The following CCSER1 variants were observed in gnomAD, a reference collection of about 807,000 sequenced individuals.
The protein encoded by CCSER1 is coiled-coil serine rich protein 1, also known as serine-rich coiled-coil domain-containing protein 1.
CCSER1 carries 41 observed loss-of-function variants against 82.0 expected under a neutral mutation model. The observed-to-expected ratio is 0.50, with a 90% CI of 0.39 to 0.65. The LOEUF (loss-of-function observed/expected upper bound fraction) is 0.65, where lower values mean the gene tolerates loss of function less well. Among genes scored for constraint, CCSER1 ranks in the 30% least tolerant of loss-of-function variants. The probability of loss-of-function intolerance (pLI) is 0.00; values close to 1 mark genes in which losing one functional copy is unlikely to be tolerated. For synonymous variants in CCSER1, 414 were observed against 383.9 expected, an observed-to-expected ratio of 1.08 and a Z score of -0.92; for missense variants, 1,119 against 1,064.2, an observed-to-expected ratio of 1.05 and a Z score of -0.72.
At chr4:90,326,501 G>T (rs1371121834) in intron 3 of CCSER1, among the ~76,000 whole-genome samples, 2 of 150,488 alleles carry the variant, frequency 1.3e-5, no homozygotes, top group African/African-American at 4.9e-5. Flanking sequence ...ATCTTCTGTT[G>T]TTCTTAGTTT....
intron 3 of CCSER1, among the ~76,000 whole-genome samples, chr4:90,346,290 T>G (rs2153507574): frequency 6.6e-6 from 1 of 152,166 alleles, no homozygotes; most frequent in South Asian, 2.1e-4. Flanking sequence ...ATACATTTAA[T>G]ACAGATTTCT....
At chr4:90,736,026 G>A (rs944057044) in intron 7 of CCSER1, among the ~76,000 whole-genome samples, 15 of 152,026 alleles carry the variant, frequency 9.9e-5, no homozygotes, top group African/African-American at 3.1e-4. Context: ...AAAATTCATT[G>A]TGTTGTTGAT....
At chr4:91,254,310 T>G (rs1740506788) in intron 10 of CCSER1, among the ~76,000 whole-genome samples, 1 of 152,180 alleles carries the variant, frequency 6.6e-6, no homozygotes, top group Non-Finnish European at 1.5e-5. Flanking sequence ...AAATCTATCC[T>G]TAGAATACAA....
At chr4:91,535,831 A>G (rs77331647) in intron 10 of CCSER1, among the ~76,000 whole-genome samples, 1,538 of 152,216 alleles carry the variant, frequency 0.01, 20 homozygotes, top group African/African-American at 0.03. Flanking sequence ...CGTAATGACT[A>G]TAAAAGCAAA....
At chr4:90,685,500 A>G (rs1734662016) in intron 6 of CCSER1, among the ~76,000 whole-genome samples, 2 of 152,132 alleles carry the variant, frequency 1.3e-5, no homozygotes, top group African/African-American at 4.8e-5. Context: ...CCCAGCATAT[A>G]AACACACATT....
At chr4:90,955,168 G>T (rs1326387104) in intron 9 of CCSER1, among the ~76,000 whole-genome samples, 1 of 152,102 alleles carries the variant, frequency 6.6e-6, no homozygotes, top group African/African-American at 2.4e-5. Context: ...TTTATCCTAT[G>T]TTTTTCATTG....
At chr4:91,101,990 A>C (rs1414582640) in intron 10 of CCSER1, among the ~76,000 whole-genome samples, 1 of 152,136 alleles carries the variant, frequency 6.6e-6, no homozygotes, top group African/African-American at 2.4e-5. Context: ...TTTAGACCCA[A>C]AGCAGGATTT....
chr4:90,298,595 A>G (rs1732470649), intron 1 of CCSER1, among the ~76,000 whole-genome samples: 1 of 151,882 alleles, frequency 6.6e-6, no homozygotes, highest in African/African-American at 2.4e-5. Context: ...TAGGGTGTCA[A>G]TTTTGGATCT....
At chr4:90,822,415 T>C (rs1759856238) in intron 8 of CCSER1, among the ~76,000 whole-genome samples, 1 of 152,180 alleles carries the variant, frequency 6.6e-6, no homozygotes, top group African/African-American at 2.4e-5. Context: ...TACAGCTTTC[T>C]ATGTCTATTT....
intron 8 of CCSER1, among the ~76,000 whole-genome samples, chr4:90,919,915 T>C (rs1354862512): frequency 1.3e-5 from 2 of 151,930 alleles, no homozygotes; most frequent in Admixed American, 6.6e-5. Context: ...TAATCATAAA[T>C]GTGAAAAAAT....
chr4:91,199,295 G>A (rs1735709170), intron 10 of CCSER1, among the ~76,000 whole-genome samples: 1 of 151,514 alleles, frequency 6.6e-6, no homozygotes, highest in Admixed American at 6.6e-5. Context: ...TAATTAGAAG[G>A]TGGCCAGTTA....
At chr4:90,603,590 T>C (rs992993118) in intron 5 of CCSER1, among the ~76,000 whole-genome samples, 1 of 150,348 alleles carries the variant, frequency 6.7e-6, no homozygotes, top group Admixed American at 6.6e-5. Flanking sequence ...TGTGGAAGCC[T>C]TTATTAATGT....
chr4:91,463,101 C>T (rs554992041), intron 10 of CCSER1, among the ~76,000 whole-genome samples: 187 of 152,312 alleles, frequency 1.2e-3, no homozygotes, highest in African/African-American at 4.4e-3. Context: ...AACTGGGAGG[C>T]ACCCCCCAGT....
intron 10 of CCSER1, among the ~76,000 whole-genome samples, chr4:91,348,442 T>G (rs1179794972): frequency 6.6e-6 from 1 of 152,170 alleles, no homozygotes; most frequent in Non-Finnish European, 1.5e-5. Context: ...GTTTTTGTCT[T>G]GTAACTGATT....
intron 5 of CCSER1, among the ~76,000 whole-genome samples, chr4:90,500,459 G>A (rs952497563): frequency 2.0e-5 from 3 of 151,964 alleles, no homozygotes; most frequent in Non-Finnish European, 2.9e-5. Context: ...AGCCCCCTGA[G>A]TAGCTGGAAT....
intron 8 of CCSER1, among the ~76,000 whole-genome samples, chr4:90,866,627 A>T (rs572131655): frequency 6.6e-6 from 1 of 152,076 alleles, no homozygotes; most frequent in Admixed American, 6.6e-5. Flanking sequence ...AAGGCTATGG[A>T]TATGAAATTT....
In CCSER1 at chr4:90,842,458, C is replaced by T. The variant is rs115838388; in HGVS notation, c.2094+26613C>T. Among the ~76,000 whole-genome samples the T allele has an allele frequency of 1.8e-3, 280 of 152,090 alleles. 1 individual carries two copies. The highest frequency in any genetic ancestry group is 6.6e-3 in the African/African-American group (272 of 41,488). On this transcript the variant is annotated intron_variant, in intron 8 of 10. Transcript: ENST00000509176. ...AAAATGGGTACAGAAATGATTAGTC[C>T]AGGGATGAAGCAACATCTGGATTAT...
intron 6 of CCSER1, among the ~76,000 whole-genome samples, chr4:90,707,237 G>A (rs959818988): frequency 6.6e-6 from 1 of 151,364 alleles, no homozygotes; most frequent in African/African-American, 2.4e-5. Context: ...TTAGCTCCTT[G>A]AACTGTTTTT....
At chr4:90,906,143 G>A (rs922403462) in intron 8 of CCSER1, among the ~76,000 whole-genome samples, 2 of 152,118 alleles carry the variant, frequency 1.3e-5, no homozygotes, top group Non-Finnish European at 2.9e-5. Flanking sequence ...AATTCCTCTA[G>A]TCACGTGTAA....
Sources: gnomAD v4.1 joint callset for allele counts (sites outside exome capture counted in the v4.1 genomes callset) on GRCh38, gnomAD v4.1.1 for gene constraint, MANE v1.5 for transcripts, NCBI Gene and HGNC (gene_info 2026-07-23, HGNC 2026-07-21) for gene names.